The following PRLR variants were observed in gnomAD, a reference collection of about 807,000 sequenced individuals.
The protein encoded by PRLR is hPRL receptor.
In PRLR, 13 loss-of-function variants were observed where a neutral mutation model predicts 40.2. That is an observed-to-expected ratio of 0.32 (90% CI 0.21 to 0.51). The LOEUF (loss-of-function observed/expected upper bound fraction) is 0.51, where lower values mean the gene tolerates loss of function less well. Among genes scored for constraint, PRLR ranks in the 20% least tolerant of loss-of-function variants. The pLI is 0.97. For synonymous variants in PRLR, 269 were observed against 278.7 expected (o/e 0.97, Z 0.35); for missense variants, 656 against 747.3 (o/e 0.88, Z 1.42).
intron 5 of PRLR, among the ~76,000 whole-genome samples, chr5:35,080,880 T>G (rs566314735): frequency 1.1e-4 from 16 of 152,166 alleles, no homozygotes; most frequent in African/African-American, 3.6e-4. Context: ...GATGAGTTCA[T>G]GTCTTCGTAG....
intron 1 of PRLR, among the ~76,000 whole-genome samples, chr5:35,223,199 A>G (rs529511235): frequency 4.5e-4 from 68 of 152,366 alleles, no homozygotes; most frequent in Non-Finnish European, 7.3e-4. Flanking sequence ...TGTCCATTTA[A>G]TCTCCTTTAA....
intron 1 of PRLR, 107 bp from the exon 2 acceptor site, chr5:35,118,229 A>G (rs1469580354): frequency 2.5e-6 from 1 of 406,500 alleles, no homozygotes; most frequent in African/African-American, 2.2e-5. Context: ...CCCCTCAGTG[A>G]TAGGCATGAG....
At chr5:35,102,080 G>A (rs1423212659) in intron 2 of PRLR, among the ~76,000 whole-genome samples, 4 of 151,946 alleles carry the variant, frequency 2.6e-5, no homozygotes, top group Admixed American at 6.6e-5. Context: ...TACCCGCCTC[G>A]GCCTCCCAAA....
chr5:35,114,775 A>G (rs985338721), intron 2 of PRLR, among the ~76,000 whole-genome samples: 1 of 152,170 alleles, frequency 6.6e-6, no homozygotes, highest in Non-Finnish European at 1.5e-5. Flanking sequence ...GAGGCCATCC[A>G]ATGGAGGAAA....
chr5:35,050,205 A>G (rs1456621364), intron 8 of PRLR, among the ~76,000 whole-genome samples: 3 of 152,106 alleles, frequency 2.0e-5, no homozygotes, highest in African/African-American at 7.2e-5. Flanking sequence ...GGCCGGACAA[A>G]ACTATATTCT....
At position 35,183,830 on chromosome 5, in the gene PRLR, G is replaced by A. The variant is rs568155859; in HGVS notation, c.-106+46438C>T. Among the ~76,000 whole-genome samples, 10 of 152,334 alleles carry A rather than the reference G, an allele frequency of 6.6e-5. No homozygotes were observed. In the South Asian group the frequency reaches 2.1e-3, roughly 32 times the overall value. On this transcript the variant is annotated intron_variant, in intron 1 of 9. Transcript: ENST00000618457. ...CTCAGGGTTATAGACTGGTGTATCT[G>A]TGAGAAAACCACAACAAGTATGGTA...
chr5:35,182,235 T>A (rs958904770), intron 1 of PRLR, among the ~76,000 whole-genome samples: 1 of 152,234 alleles, frequency 6.6e-6, no homozygotes, highest in Non-Finnish European at 1.5e-5. Flanking sequence ...GCACTGATTC[T>A]ACCTGAGCCT....
intron 1 of PRLR, among the ~76,000 whole-genome samples, chr5:35,200,765 A>T (rs1474524834): frequency 6.6e-6 from 1 of 152,184 alleles, no homozygotes; most frequent in African/African-American, 2.4e-5. Flanking sequence ...GGCCTGACTG[A>T]ATCTTCCCCT....
At chr5:35,172,116 A>T (rs1393194395) in intron 1 of PRLR, among the ~76,000 whole-genome samples, 3 of 152,166 alleles carry the variant, frequency 2.0e-5, no homozygotes, top group Non-Finnish European at 4.4e-5. Context: ...GTCCCGTGAG[A>T]CTCAAGGCAG....
intron 1 of PRLR, among the ~76,000 whole-genome samples, chr5:35,193,567 C>G (rs7705216): frequency 0.1 from 15,751 of 152,180 alleles, 1,004 homozygotes; most frequent in Non-Finnish European, 0.13. Context: ...CTAGGAAATT[C>G]TGACTGGCAG....
At chr5:35,200,264 T>C (rs2111603984) in intron 1 of PRLR, among the ~76,000 whole-genome samples, 1 of 152,356 alleles carries the variant, frequency 6.6e-6, no homozygotes. Flanking sequence ...ATGGCAGCTC[T>C]CCTGATAATC....
intron 2 of PRLR, among the ~76,000 whole-genome samples, chr5:35,112,621 T>C (rs956163962): frequency 6.6e-6 from 1 of 152,056 alleles, no homozygotes; most frequent in South Asian, 2.1e-4. Flanking sequence ...GGTTTGAGCA[T>C]CCCTACCACC....
At chr5:35,128,217 T>C (rs1773534017) in intron 1 of PRLR, among the ~76,000 whole-genome samples, 1 of 151,568 alleles carries the variant, frequency 6.6e-6, no homozygotes, top group South Asian at 2.1e-4. Flanking sequence ...TCCCTCAGTA[T>C]TCATGGGGGA....
intron 5 of PRLR, among the ~76,000 whole-genome samples, chr5:35,080,450 T>A (rs762755340): frequency 6.6e-6 from 1 of 152,212 alleles, no homozygotes; most frequent in Admixed American, 6.5e-5. Context: ...ATGCTCATCG[T>A]CACTGGCCAT....
chr5:35,202,753 AAT>A (rs1217582707), intron 1 of PRLR, among the ~76,000 whole-genome samples: 1 of 152,220 alleles, frequency 6.6e-6, no homozygotes, highest in African/African-American at 2.4e-5. Flanking sequence ...ACTTTAAAAA[AAT>A]ATGTGAGGGC....
chr5:35,115,610 G>A (rs749348052), intron 2 of PRLR, among the ~76,000 whole-genome samples: 6 of 151,944 alleles, frequency 3.9e-5, no homozygotes, highest in African/African-American at 9.7e-5. Flanking sequence ...AGAAGTGTGC[G>A]GATGGGGGCC....
At chr5:35,068,436 C>G in intron 8 of PRLR, 151 bp from the exon 9 acceptor site, 1 of 683,940 alleles carries the variant, frequency 1.5e-6, no homozygotes, top group Non-Finnish European at 2.5e-6. Flanking sequence ...AATAAAATTA[C>G]AGAGGCCTAT....
At chr5:35,202,790 C>G (rs933413512) in intron 1 of PRLR, among the ~76,000 whole-genome samples, 1 of 152,140 alleles carries the variant, frequency 6.6e-6, no homozygotes, top group Non-Finnish European at 1.5e-5. Context: ...TAATAATATA[C>G]TTTATTGCCA....
At chr5:35,101,796 C>T (rs1235887138) in intron 2 of PRLR, among the ~76,000 whole-genome samples, 1 of 147,260 alleles carries the variant, frequency 6.8e-6, no homozygotes, top group South Asian at 2.1e-4. Context: ...ATATATATAA[C>T]TTATAAATAA....
Sources: gnomAD v4.1 joint callset for allele counts (sites outside exome capture counted in the v4.1 genomes callset) on GRCh38, gnomAD v4.1.1 for gene constraint, MANE v1.5 for transcripts, NCBI Gene and HGNC (gene_info 2026-07-23, HGNC 2026-07-21) for gene names.